Variants in SDC2 observed in about 807,000 individuals in gnomAD.
SDC2 encodes the protein syndecan-2.
A neutral mutation model predicts 22.2 loss-of-function variants in SDC2; 13 were observed. That is an observed-to-expected ratio of 0.59 (90% CI 0.38 to 0.93). The LOEUF (loss-of-function observed/expected upper bound fraction) is 0.93. Ranked by LOEUF, SDC2 falls within the 40% of genes least tolerant of loss-of-function variation. The pLI is 0.00. For missense variants in SDC2, 235 were observed against 246.8 expected, an observed-to-expected ratio of 0.95 and a Z score of 0.32; for synonymous variants, 94 against 92.8, an observed-to-expected ratio of 1.01 and a Z score of -0.07.
intron 1 of SDC2, among the ~76,000 whole-genome samples, chr8:96,558,783 A>G (rs577997323): frequency 1.3e-5 from 2 of 152,206 alleles, no homozygotes; most frequent in Admixed American, 6.5e-5. Context: ...CAACTGACTT[A>G]TCTACTGACT....
In SDC2 at chr8:96,493,865, C is replaced by T; in HGVS notation, c.-407C>T. 1 of 178,166 alleles carries T rather than the reference C, an allele frequency of 5.6e-6. No individual in the cohort carries two copies. The highest frequency in any genetic ancestry group is 1.3e-4 in the South Asian group (1 of 7,410). The allele number at this position is 178,166 out of a possible 1,614,324, so 11.0% of individuals were successfully genotyped here. On this transcript the variant is annotated 5_prime_UTR_variant, in exon 1 of 5. Coordinates refer to ENST00000302190, the MANE Select transcript of SDC2 (RefSeq NM_002998.4). ...GATCGCGCGCTCCCGCCGCTCTGCC[C>T]CTAAACTTCTGCCGTAGCTCCCTTT...
intron 1 of SDC2, among the ~76,000 whole-genome samples, chr8:96,559,047 T>C (rs1814166224): frequency 6.6e-6 from 1 of 152,218 alleles, no homozygotes; most frequent in African/African-American, 2.4e-5. Context: ...GGTGAGTAAT[T>C]TTCTGCACAG....
chr8:96,579,199 T>C (rs932051184), intron 1 of SDC2, among the ~76,000 whole-genome samples: 2 of 152,262 alleles, frequency 1.3e-5, no homozygotes, highest in Non-Finnish European at 2.9e-5. Flanking sequence ...GTTTTATGTA[T>C]GGCATTTTAA....
In SDC2 at chr8:96,533,906, G is replaced by A. The variant is rs2589207; in HGVS notation, c.60+39575G>A. On this transcript the variant is annotated intron_variant, in intron 1 of 4. Transcript: ENST00000302190. Reference sequence around the variant, plus strand: ...TGCCATGGAGCAGGGGGCGGCGCTCGTTGGGGAGGCTTGGGCATGGCGGGC... The same window carrying A: ...TGCCATGGAGCAGGGGGCGGCGCTCATTGGGGAGGCTTGGGCATGGCGGGC... Among the ~76,000 whole-genome samples the A allele has an allele frequency of 8.9e-3, 1,357 of 152,292 alleles. 28 individuals are homozygous for A. The highest frequency in any genetic ancestry group is 0.031 in the African/African-American group (1,275 of 41,566).
intron 2 of SDC2, among the ~76,000 whole-genome samples, chr8:96,594,584 A>T (rs1814840627): frequency 6.6e-6 from 1 of 152,210 alleles, no homozygotes; most frequent in South Asian, 2.1e-4. Flanking sequence ...TTTACAGAGG[A>T]TATGTATACA....
intron 1 of SDC2, among the ~76,000 whole-genome samples, chr8:96,501,119 C>G (rs1325453700): frequency 6.6e-6 from 1 of 151,708 alleles, no homozygotes; most frequent in East Asian, 1.9e-4. Context: ...CTCTACAAAG[C>G]ATTTTGGTGT....
chr8:96,494,413 C>CT, intron 1 of SDC2, 82 bp downstream of exon 1: 1 of 1,366,654 alleles, frequency 7.3e-7, no homozygotes, highest in Non-Finnish European at 9.9e-7. Flanking sequence ...TAGGGGAGCG[C>CT]CACCTGGGGA....
chr8:96,547,836 C>T (rs1441283355), intron 1 of SDC2, among the ~76,000 whole-genome samples: 1 of 151,990 alleles, frequency 6.6e-6, no homozygotes, highest in African/African-American at 2.4e-5. Context: ...TCACAGTTCA[C>T]TGCAGCCTCG....
rs374862782 is a variant in SDC2, at chr8:96,551,509, G to A, written c.61-41971G>A. Among the ~76,000 whole-genome samples the A allele has an allele frequency of 2.0e-4, 31 of 152,188 alleles. No homozygotes were observed. In the East Asian group the frequency reaches 5.4e-3, roughly 27 times the overall value. ...CTATTATTAGCCCTAGTTTACAGGCGAAGAAACCGGAGACAGAGCAGTTCA... is the reference window on the plus strand; with the variant it reads ...CTATTATTAGCCCTAGTTTACAGGCAAAGAAACCGGAGACAGAGCAGTTCA... On this transcript the variant is annotated intron_variant, in intron 1 of 4. Coordinates refer to ENST00000302190, the MANE Select transcript of SDC2 (RefSeq NM_002998.4).
At chr8:96,531,435 G>C (rs1001477032) in intron 1 of SDC2, among the ~76,000 whole-genome samples, 8 of 152,030 alleles carry the variant, frequency 5.3e-5, no homozygotes, top group Non-Finnish European at 8.8e-5. Flanking sequence ...AGAATAAAAG[G>C]CTCTTTTAAA....
At chr8:96,548,594 G>A (rs1813973923) in intron 1 of SDC2, among the ~76,000 whole-genome samples, 1 of 152,176 alleles carries the variant, frequency 6.6e-6, no homozygotes, top group Admixed American at 6.5e-5. Context: ...AGTGAGCAAA[G>A]TGCCACCTTT....
At chr8:96,538,682 C>T (rs76916349) in intron 1 of SDC2, 1 of 152,358 alleles carries the variant, frequency 6.6e-6, no homozygotes. Context: ...GTAACCCATG[C>T]TCTGATATTT....
chr8:96,579,902 A>G (rs1814562087), intron 1 of SDC2, among the ~76,000 whole-genome samples: 1 of 152,202 alleles, frequency 6.6e-6, no homozygotes, highest in Non-Finnish European at 1.5e-5. Context: ...AAAATTGATT[A>G]TAGTTTCTTA....
rs534504843 is a variant in SDC2, at chr8:96,581,015, A to T, written c.61-12465A>T. ...TCCTGGACTAACTTGGAGAAAAAAAATTCCTGAGATGATCTATTTTTAATT... is the reference window on the plus strand; with the variant it reads ...TCCTGGACTAACTTGGAGAAAAAAATTTCCTGAGATGATCTATTTTTAATT... On this transcript the variant is annotated intron_variant, in intron 1 of 4. Coordinates refer to ENST00000302190, the MANE Select transcript of SDC2 (RefSeq NM_002998.4). Among the ~76,000 whole-genome samples, 8 of 152,258 alleles carry T rather than the reference A, an allele frequency of 5.3e-5. No homozygotes were observed. The South Asian group carries it at 1.7e-3, about 32-fold the overall frequency.
At chr8:96,494,779 C>G (rs1046335207) in intron 1 of SDC2, among the ~76,000 whole-genome samples, 1 of 152,144 alleles carries the variant, frequency 6.6e-6, no homozygotes, top group Admixed American at 6.5e-5. Flanking sequence ...GCACACCATC[C>G]CCCCCGCGCC....
intron 1 of SDC2, among the ~76,000 whole-genome samples, chr8:96,569,996 A>G (rs1004858565): frequency 1.3e-5 from 2 of 152,244 alleles, no homozygotes; most frequent in African/African-American, 2.4e-5. Context: ...TGAAATGGCA[A>G]TGCAAAATAT....
chr8:96,514,925 C>A (rs1813379719), intron 1 of SDC2, among the ~76,000 whole-genome samples: 1 of 152,166 alleles, frequency 6.6e-6, no homozygotes, highest in South Asian at 2.1e-4. Flanking sequence ...GTCGGGGAAT[C>A]CCTGCTCTAG....
intron 1 of SDC2, among the ~76,000 whole-genome samples, chr8:96,587,904 T>A (rs928737344): frequency 2.0e-5 from 3 of 152,078 alleles, no homozygotes; most frequent in Admixed American, 6.5e-5. Context: ...TGACATACAT[T>A]TTGAGGTCCC....
intron 2 of SDC2, among the ~76,000 whole-genome samples, chr8:96,594,643 G>T (rs891232866): frequency 6.6e-6 from 1 of 152,168 alleles, no homozygotes; most frequent in Non-Finnish European, 1.5e-5. Context: ...CATAATTGAT[G>T]AATATTTCCC....
Sources: gnomAD v4.1 joint callset for allele counts (sites outside exome capture counted in the v4.1 genomes callset) on GRCh38, gnomAD v4.1.1 for gene constraint, MANE v1.5 for transcripts, NCBI Gene and HGNC (gene_info 2026-07-23, HGNC 2026-07-21) for gene names.